The following PRH1 variants were observed in gnomAD, a reference collection of about 807,000 sequenced individuals.
PRH1 encodes the protein proline rich protein HaeIII subfamily 1.
PRH1 carries 7 observed loss-of-function variants against 7.9 expected under a neutral mutation model. The ratio of observed to expected loss-of-function variants is 0.89; its 90% confidence interval spans 0.50 to 1.67. The LOEUF is 1.67. PRH1 is among the 40% of genes most tolerant of loss of function. PRH1 has a pLI of 0.00. For missense variants in PRH1, 109 were observed against 223.6 expected, an observed-to-expected ratio of 0.49 and a Z score of 3.27; for synonymous variants, 45 against 80.8, an observed-to-expected ratio of 0.56 and a Z score of 2.38.
At chr12:11,168,270 AAG>A (rs1491089895) in intron 1 of PRH1, among the ~76,000 whole-genome samples, 1 of 50,094 alleles carries the variant, frequency 2.0e-5, no homozygotes, top group Admixed American at 2.2e-4. Flanking sequence ...GAAAGAAAGA[AAG>A]AAAGAAAGAA....
intron 1 of PRH1, chr12:11,030,757 T>A: frequency 6.2e-7 from 1 of 1,614,156 alleles, no homozygotes. Flanking sequence ...GCAAAAAACA[T>A]AGCAGGGTCA....
At chr12:10,986,462 C>T (rs985188113) in intron 1 of PRH1, 1 of 1,614,072 alleles carries the variant, frequency 6.2e-7, no homozygotes, top group Non-Finnish European at 8.5e-7. Flanking sequence ...AAGTCCCCAA[C>T]AGTATCACCA....
At chr12:10,984,619 G>A (rs1025067834) in intron 1 of PRH1, among the ~76,000 whole-genome samples, 1 of 151,994 alleles carries the variant, frequency 6.6e-6, no homozygotes, top group African/African-American at 2.4e-5. Flanking sequence ...ATTGTACCAG[G>A]AAAGATATAT....
chr12:11,020,197 T>A (rs79907914), intron 1 of PRH1, among the ~76,000 whole-genome samples: 2,432 of 63,392 alleles, frequency 0.038, no homozygotes, highest in African/African-American at 0.043. Context: ...ATTTACCACA[T>A]CAAATTATCC....
rs1359931953 is a variant in PRH1 at position 11,093,886 on chromosome 12, G to C, written n.124-46698C>G. On this transcript the variant is annotated intron_variant and non_coding_transcript_variant, in intron 1 of 4. Coordinates refer to the PRH1 transcript ENST00000541977. ...TTACCATGAGAATATCGCCTGGCTA[G>C]TACACTGTTCCCAGAAGAAGAATGA... Among the ~76,000 whole-genome samples, 4 of 114,436 alleles carry C rather than the reference G, an allele frequency of 3.5e-5. 1 individual carries two copies. Among genetic ancestry groups the C allele is most frequent in the African/African-American group, 1.2e-4 (4 of 33,948 alleles). The allele number at this position is 114,436 out of a possible 152,430, so 75.1% of individuals were successfully genotyped here.
chr12:11,030,872 G>T lies in PRH1; in HGVS notation c.-126+16148C>A, dbSNP rs371495294. ...AGTCAAGTTTCCTTCATATTCTTTTGTCCGTACAATCTCTTTCATGTTTAT... is the reference window on the plus strand; with the variant it reads ...AGTCAAGTTTCCTTCATATTCTTTTTTCCGTACAATCTCTTTCATGTTTAT... On this transcript the variant is annotated intron_variant, in intron 1 of 3. Coordinates refer to the PRH1 transcript ENST00000539853. 378 of 1,613,992 alleles carry T rather than the reference G, an allele frequency of 2.3e-4. No individual in the cohort carries two copies. The highest frequency in any genetic ancestry group is 3.1e-4 in the Non-Finnish European group (367 of 1,179,998).
chr12:11,117,691 A>G (rs1195757477), downstream of PRH1, among the ~76,000 whole-genome samples: 1 of 152,220 alleles, frequency 6.6e-6, no homozygotes, highest in African/African-American at 2.4e-5. Flanking sequence ...TACAGAAACC[A>G]AAACAGCATG....
At chr12:10,912,741 CAT>C (rs1311112614) in intron 2 of PRH1, among the ~76,000 whole-genome samples, 3 of 151,690 alleles carry the variant, frequency 2.0e-5, no homozygotes, top group Non-Finnish European at 2.9e-5. Context: ...TTTCTTCCAC[CAT>C]AGACTATTTT....
chr12:11,070,660 G>A (rs1202616517), intron 1 of PRH1, among the ~76,000 whole-genome samples: 1 of 152,152 alleles, frequency 6.6e-6, no homozygotes, highest in African/African-American at 2.4e-5. Flanking sequence ...CCTCTGGGGA[G>A]GCAAGACTTG....
intron 1 of PRH1, among the ~76,000 whole-genome samples, chr12:11,089,629 C>T (rs1160985083): frequency 2.2e-5 from 1 of 44,460 alleles, no homozygotes; most frequent in Admixed American, 2.5e-4. Flanking sequence ...ACAGGTATTA[C>T]ATTAAAAACA....
chr12:11,041,363 A>G (rs1326979191), intron 1 of PRH1, among the ~76,000 whole-genome samples: 1 of 152,032 alleles, frequency 6.6e-6, no homozygotes, highest in East Asian at 1.9e-4. Flanking sequence ...TTTCAAGACA[A>G]AAACTATGAG....
chr12:10,979,150 A>C (rs535229035), intron 1 of PRH1, among the ~76,000 whole-genome samples: 37 of 152,176 alleles, frequency 2.4e-4, no homozygotes, highest in Non-Finnish European at 5.0e-4. Context: ...CCTATCAGGT[A>C]CTCTGCTTAT....
At chr12:11,045,646 A>G (rs1028065209) in intron 1 of PRH1, among the ~76,000 whole-genome samples, 1 of 129,848 alleles carries the variant, frequency 7.7e-6, no homozygotes, top group Admixed American at 7.8e-5. Context: ...ATATGTCCAC[A>G]TAATGTTAAA....
intron 1 of PRH1, among the ~76,000 whole-genome samples, chr12:11,161,862 T>C (rs999865407): frequency 2.8e-4 from 42 of 152,212 alleles, no homozygotes; most frequent in Non-Finnish European, 4.7e-4. Flanking sequence ...ATTTTCTTAT[T>C]TATACAGACA....
chr12:10,903,902 C>G (rs1949759387), intron 2 of PRH1, among the ~76,000 whole-genome samples: 1 of 53,324 alleles, frequency 1.9e-5, no homozygotes. Context: ...AGAGCCAAAT[C>G]AAGAATGCAA....
intron 1 of PRH1, among the ~76,000 whole-genome samples, chr12:11,090,800 A>G (rs1364344599): frequency 8.6e-6 from 1 of 115,980 alleles, no homozygotes; most frequent in East Asian, 2.1e-4. Context: ...GAATTGAATG[A>G]CCTTACCATC....
At chr12:10,921,920 C>T (rs1047021363) in intron 2 of PRH1, among the ~76,000 whole-genome samples, 1 of 152,120 alleles carries the variant, frequency 6.6e-6, no homozygotes, top group Non-Finnish European at 1.5e-5. Context: ...AGGTGCACCA[C>T]CATACCCGGC....
At chr12:10,937,621 A>G (rs1460035168) in intron 2 of PRH1, 2 of 152,176 alleles carry the variant, frequency 1.3e-5, no homozygotes, top group Non-Finnish European at 2.9e-5. Context: ...TTCATTATAC[A>G]ACTGATACCA....
In PRH1 at chr12:10,991,739, G is replaced by A. The variant is rs574861158; in HGVS notation, c.-125-18018C>T. 5.9e-5 allele frequency among the ~76,000 whole-genome samples: 9 copies of A among 152,262 alleles called. No individual in the cohort carries two copies. In the South Asian group the frequency reaches 1.7e-3, roughly 28 times the overall value. ...GAAGAATTTAGACCTTGGGCAATCT[G>A]ATATTTTCAGTTTACAGACAAGAGG... On this transcript the variant is annotated intron_variant, in intron 1 of 3. Transcript: ENST00000539853.
Sources: allele counts gnomAD v4.1 joint callset (sites outside exome capture counted in the v4.1 genomes callset), GRCh38; gene constraint gnomAD v4.1.1; transcripts MANE v1.5; gene names NCBI Gene and HGNC (gene_info 2026-07-23, HGNC 2026-07-21).